CAST: variants seen among roughly 807,000 people sequenced by gnomAD.
CAST encodes calpastatin, also known as MIR583 host.
Under a neutral mutation model 119.6 loss-of-function variants are expected in CAST, and 76 were observed. The ratio of observed to expected loss-of-function variants is 0.64; its 90% CI spans 0.53 to 0.77. CAST has a LOEUF of 0.77. CAST is among the 30% of genes least tolerant of loss of function. CAST has a pLI of 0.00. For synonymous variants in CAST, 319 were observed against 331.6 expected (o/e 0.96, Z 0.41); for missense variants, 953 against 946.5 (o/e 1.01, Z -0.09).
the CAST span, among the ~76,000 whole-genome samples, chr5:96,314,287 C>A: frequency 3.9e-5 from 6 of 152,178 alleles, no homozygotes; most frequent in Admixed American, 6.5e-5. Flanking sequence ...AGCTACAGCA[C>A]CAATTTTCTT....
the CAST span, chr5:96,421,992 TTAAAAAAAA>T: frequency 1.0e-5 from 4 of 388,364 alleles, no homozygotes; most frequent in Non-Finnish European, 1.7e-5. Flanking sequence ...TGTGGCAGCA[TTAAAAAAAA>T]AAAAAAAAAA....
chr5:96,081,967 G>A, the CAST span, among the ~76,000 whole-genome samples: 1 of 152,194 alleles, frequency 6.6e-6, no homozygotes, highest in East Asian at 1.9e-4. Context: ...AGGCTGGAGT[G>A]TAGCGGCGTG....
the CAST span, among the ~76,000 whole-genome samples, chr5:96,379,136 A>G: frequency 6.6e-6 from 1 of 152,192 alleles, no homozygotes; most frequent in Non-Finnish European, 1.5e-5. Context: ...AGGAATCTTT[A>G]TGAGCTTTTG....
At chr5:95,961,655 C>T in the CAST span, 3 of 1,610,392 alleles carry the variant, frequency 1.9e-6, no homozygotes, top group Non-Finnish European at 2.5e-6. Context: ...TTGTCCTGCC[C>T]CAGCCGTCCG....
chr5:96,565,078 GT>G (rs1746443602), intron 1 of CAST, among the ~76,000 whole-genome samples: 1 of 264 alleles, frequency 3.8e-3, no homozygotes, highest in Non-Finnish European at 5.8e-3. Flanking sequence ...CATGGGAAAG[GT>G]GTGTGTGTGT....
chr5:96,186,538 T>C, the CAST span, among the ~76,000 whole-genome samples: 2 of 152,222 alleles, frequency 1.3e-5, no homozygotes, highest in African/African-American at 4.8e-5. Context: ...ACCTAGTTTA[T>C]TGAGAGTTTT....
chr5:96,719,056 G>C (rs1757724682), intron 3 of CAST, among the ~76,000 whole-genome samples: 1 of 152,116 alleles, frequency 6.6e-6, no homozygotes, highest in African/African-American at 2.4e-5. Context: ...CTAATGTGTG[G>C]TAGACAAAGA....
chr5:96,730,605 C>A (rs377741822), intron 8 of CAST, among the ~76,000 whole-genome samples, 175 bp from the exon 9 acceptor site: 26 of 152,278 alleles, frequency 1.7e-4, no homozygotes, highest in Middle Eastern at 3.4e-3. Flanking sequence ...GCTCTTGAGT[C>A]CAGCTTTATG....
the CAST span, among the ~76,000 whole-genome samples, chr5:96,252,371 A>G: frequency 2.0e-5 from 3 of 152,124 alleles, no homozygotes; most frequent in Admixed American, 2.0e-4. Context: ...TACCTACTAT[A>G]TGCTTGGCAC....
chr5:96,742,902 G>A (rs141133471), intron 16 of CAST, 146 bp downstream of exon 16: 802 of 640,414 alleles, frequency 1.3e-3, no homozygotes, highest in Non-Finnish European at 2.0e-3. Flanking sequence ...TTGCTGAGTG[G>A]TTAGCAACTA....
At chr5:96,258,808 A>G in the CAST span, among the ~76,000 whole-genome samples, 2 of 152,130 alleles carry the variant, frequency 1.3e-5, no homozygotes, top group South Asian at 2.1e-4. Flanking sequence ...TATAAAGCAT[A>G]TGTGTTTTTC....
chr5:96,728,751 A>G, intron 6 of CAST: 1 of 161,346 alleles, frequency 6.2e-6, no homozygotes, highest in Non-Finnish European at 1.4e-5. Context: ...TGCTGGGATT[A>G]CAGGCGTGAG....
At chr5:95,963,856 T>A in the CAST span, among the ~76,000 whole-genome samples, 1 of 151,826 alleles carries the variant, frequency 6.6e-6, no homozygotes, top group Non-Finnish European at 1.5e-5. Context: ...TTCCGGTGAA[T>A]GTGGGTAAAT....
At chr5:96,494,356 A>G in the CAST span, among the ~76,000 whole-genome samples, 1 of 152,178 alleles carries the variant, frequency 6.6e-6, no homozygotes, top group Non-Finnish European at 1.5e-5. Context: ...GTTGAGATTT[A>G]TTTTTTCCTG....
intron 2 of CAST, among the ~76,000 whole-genome samples, chr5:96,689,112 T>A (rs901200032): frequency 6.6e-6 from 1 of 152,230 alleles, no homozygotes; most frequent in African/African-American, 2.4e-5. Flanking sequence ...TGAAATATTT[T>A]TAGTTCATAT....
chr5:96,379,920 G>A, the CAST span, among the ~76,000 whole-genome samples: 513 of 152,292 alleles, frequency 3.4e-3, 3 homozygotes, highest in African/African-American at 0.012. Flanking sequence ...ATTGGATAGA[G>A]GGGGTATACA....
At chr5:95,993,511 C>T in the CAST span, among the ~76,000 whole-genome samples, 2 of 152,040 alleles carry the variant, frequency 1.3e-5, no homozygotes, top group African/African-American at 4.8e-5. Flanking sequence ...TGCTGATAAA[C>T]CTCCCACAAT....
chr5:96,494,914 G>A, the CAST span, among the ~76,000 whole-genome samples: 26 of 151,986 alleles, frequency 1.7e-4, no homozygotes, highest in Non-Finnish European at 3.5e-4. Context: ...TCAGGAGCTC[G>A]AGACCATCCT....
the CAST span, among the ~76,000 whole-genome samples, chr5:96,107,414 G>A: frequency 6.6e-6 from 1 of 151,820 alleles, no homozygotes; most frequent in Non-Finnish European, 1.5e-5. Flanking sequence ...TTTAGGGCGG[G>A]CCTGGTGGTG....
Sources: gnomAD v4.1 joint callset for allele counts (sites outside exome capture counted in the v4.1 genomes callset) on GRCh38, gnomAD v4.1.1 for gene constraint, MANE v1.5 for transcripts, NCBI Gene and HGNC (gene_info 2026-07-23, HGNC 2026-07-21) for gene names.